Variants in CDH13 observed in about 807,000 individuals in gnomAD.
CDH13 encodes cadherin-13.
Under a neutral mutation model 63.8 loss-of-function variants are expected in CDH13, and 24 were observed. The observed-to-expected ratio is 0.38, with a 90% CI of 0.27 to 0.53. The LOEUF is 0.53. Among genes scored for constraint, CDH13 ranks in the 20% least tolerant of loss-of-function variants. CDH13 has a pLI of 0.85. For missense variants in CDH13, 1,049 were observed against 903.1 expected (o/e 1.16, Z -2.07); for synonymous variants, 503 against 355.3 (o/e 1.42, Z -4.67).
rs369924960 is a variant in CDH13, at chr16:82,970,324, A to G, written c.158-61686A>G. On this transcript the variant is annotated intron_variant, in intron 2 of 13. Coordinates refer to ENST00000567109, the MANE Select transcript of CDH13 (RefSeq NM_001257.5). ...GTGCCACATTTTCTTTATCCAGTCT[A>G]TCATTGATGGGCATTTGGGTTGGTT... Among the ~76,000 whole-genome samples, 35 of 146,852 alleles carry G rather than the reference A, an allele frequency of 2.4e-4. No individual in the cohort carries two copies. The South Asian group carries it at 7.5e-3, about 31-fold the overall frequency.
intron 1 of CDH13, among the ~76,000 whole-genome samples, chr16:82,797,428 C>T (rs2036636619): frequency 1.3e-5 from 2 of 152,200 alleles, no homozygotes; most frequent in South Asian, 4.1e-4. Flanking sequence ...TTTACCCATT[C>T]CAAGTGCAGA....
chr16:82,702,770 G>A (rs1156485538), intron 1 of CDH13, among the ~76,000 whole-genome samples: 1 of 152,204 alleles, frequency 6.6e-6, no homozygotes, highest in East Asian at 1.9e-4. Flanking sequence ...GCCATTGCAT[G>A]TATGATTTCC....
intron 7 of CDH13, among the ~76,000 whole-genome samples, chr16:83,555,826 T>G (rs1456213865): frequency 6.6e-6 from 1 of 152,238 alleles, no homozygotes; most frequent in Admixed American, 6.5e-5. Context: ...AATTGAGGAT[T>G]GTAAACATCT....
chr16:83,047,454 T>C lies in CDH13; in HGVS notation c.366+15236T>C, dbSNP rs1917904148. Among the ~76,000 whole-genome samples, 1 of 152,166 alleles carries C rather than the reference T, an allele frequency of 6.6e-6. No homozygotes were observed. Among genetic ancestry groups the C allele is most frequent in the Non-Finnish European group, 1.5e-5 (1 of 68,042 alleles). ...TAAGAGCGTGACCACCAGTCTTATT[T>C]ACCTTGTTATCTGTAATTTCCTCTT... On this transcript the variant is annotated intron_variant, in intron 3 of 13. Coordinates refer to ENST00000567109, the MANE Select transcript of CDH13 (RefSeq NM_001257.5). The surrounding 1 kb of genome is among the most constrained non-coding windows in gnomAD (Gnocchi z 4.9).
chr16:82,814,271 C>T (rs2037594129), intron 1 of CDH13, among the ~76,000 whole-genome samples: 1 of 152,106 alleles, frequency 6.6e-6, no homozygotes, highest in Non-Finnish European at 1.5e-5. Context: ...TATTTCCTGG[C>T]TGATAGGAGC....
intron 1 of CDH13, among the ~76,000 whole-genome samples, chr16:82,841,090 A>G (rs531667843): frequency 2.8e-4 from 42 of 152,354 alleles, no homozygotes; most frequent in African/African-American, 9.6e-4. Context: ...TGGCCTGTGG[A>G]CATCTAGAAA....
chr16:83,409,640 G>T (rs1033061778), intron 6 of CDH13, among the ~76,000 whole-genome samples: 2 of 152,184 alleles, frequency 1.3e-5, no homozygotes, highest in African/African-American at 4.8e-5. Flanking sequence ...TTACCAACAT[G>T]CATCTGCCTA....
At chr16:83,285,127 G>A (rs1441171401) in intron 5 of CDH13, among the ~76,000 whole-genome samples, 3 of 152,084 alleles carry the variant, frequency 2.0e-5, no homozygotes, top group African/African-American at 7.2e-5. Flanking sequence ...TTGTCTGGAG[G>A]ACCAGAGTAT....
intron 1 of CDH13, among the ~76,000 whole-genome samples, chr16:82,734,209 C>T (rs2033552550): frequency 6.6e-6 from 1 of 152,212 alleles, no homozygotes; most frequent in South Asian, 2.1e-4. Context: ...GGATCTCAGC[C>T]AGGCCCATTA....
At chr16:83,781,808 G>A (rs1915543785) in intron 12 of CDH13, among the ~76,000 whole-genome samples, 1 of 151,764 alleles carries the variant, frequency 6.6e-6, no homozygotes, top group African/African-American at 2.4e-5. Context: ...AGGATAAATA[G>A]CCAGTGCATG....
intron 2 of CDH13, among the ~76,000 whole-genome samples, chr16:82,866,980 T>C (rs1357859835): frequency 1.3e-5 from 2 of 152,164 alleles, no homozygotes; most frequent in African/African-American, 4.8e-5. Flanking sequence ...CCTAACCATA[T>C]TAGGAACATA....
chr16:82,773,950 A>AT (rs1441371021), intron 1 of CDH13, among the ~76,000 whole-genome samples: 4 of 151,812 alleles, frequency 2.6e-5, no homozygotes, highest in East Asian at 3.9e-4. Flanking sequence ...CCCCTGGCTG[A>AT]TTTTTTGTGT....
chr16:83,554,977 T>C (rs962428444), intron 7 of CDH13, among the ~76,000 whole-genome samples: 1 of 151,398 alleles, frequency 6.6e-6, no homozygotes, highest in African/African-American at 2.4e-5. Context: ...GGTTGATGCT[T>C]CCTGAGGCCA....
intron 7 of CDH13, among the ~76,000 whole-genome samples, chr16:83,577,723 C>T (rs1905189298): frequency 6.6e-6 from 1 of 152,112 alleles, no homozygotes; most frequent in Non-Finnish European, 1.5e-5. Context: ...ATACATCCCC[C>T]TCGAAATCAC....
At chr16:83,621,389 C>T (rs1909798187) in intron 8 of CDH13, among the ~76,000 whole-genome samples, 1 of 151,014 alleles carries the variant, frequency 6.6e-6, no homozygotes, top group Non-Finnish European at 1.5e-5. Flanking sequence ...GCTGAAGCAG[C>T]CCAGGTCTAT....
chr16:82,787,297 C>G (rs766181756), intron 1 of CDH13, among the ~76,000 whole-genome samples: 47 of 152,168 alleles, frequency 3.1e-4, no homozygotes, highest in Admixed American at 8.5e-4. Context: ...TTGTATTATA[C>G]TGTCAAAAAA....
intron 2 of CDH13, among the ~76,000 whole-genome samples, chr16:82,881,171 A>G (rs1399673183): frequency 6.6e-6 from 1 of 152,080 alleles, no homozygotes; most frequent in East Asian, 1.9e-4. Flanking sequence ...GGCTTATCCT[A>G]ATCTTTGTGC....
intron 2 of CDH13, among the ~76,000 whole-genome samples, chr16:82,918,007 C>G (rs961089133): frequency 1.3e-5 from 2 of 151,270 alleles, no homozygotes; most frequent in African/African-American, 4.9e-5. Context: ...GATCCTAAAG[C>G]TTCCTGACAA....
intron 1 of CDH13, among the ~76,000 whole-genome samples, chr16:82,717,458 C>T (rs1459613981): frequency 8.9e-6 from 1 of 111,972 alleles, no homozygotes; most frequent in African/African-American, 3.7e-5. Context: ...AAAAAAAGAG[C>T]CCCCCCACTC....
Sources: allele counts gnomAD v4.1 joint callset (sites outside exome capture counted in the v4.1 genomes callset), GRCh38; gene constraint gnomAD v4.1.1; non-coding constraint Gnocchi (gnomAD v3.1); transcripts MANE v1.5; gene names NCBI Gene and HGNC (gene_info 2026-07-23, HGNC 2026-07-21).